Variants in FAM186A observed in about 807,000 individuals in gnomAD.
FAM186A encodes protein FAM186A.
Under a neutral mutation model 216.8 loss-of-function variants are expected in FAM186A, and 163 were observed. The ratio of observed to expected loss-of-function variants is 0.75; its 90% CI spans 0.66 to 0.86. The LOEUF (loss-of-function observed/expected upper bound fraction) is 0.86. Among genes scored for constraint, FAM186A ranks in the 40% least tolerant of loss-of-function variants. FAM186A has a pLI of 0.00. For missense variants in FAM186A, 2,184 were observed against 2,746.2 expected (o/e 0.80, Z 4.58); for synonymous variants, 805 against 1,025.3 (o/e 0.79, Z 4.10).
At chr12:50,350,225 A>T in intron 4 of FAM186A, 104 bp downstream of exon 4, 1 of 1,073,054 alleles carries the variant, frequency 9.3e-7, no homozygotes, top group Non-Finnish European at 1.3e-6. Context: ...GCAGTCCTTT[A>T]GAACATATGG....
chr12:50,373,214 T>C (rs1592626468), intron 1 of FAM186A, among the ~76,000 whole-genome samples: 2 of 152,118 alleles, frequency 1.3e-5, no homozygotes, highest in East Asian at 1.9e-4. Flanking sequence ...CTGGCCCACA[T>C]AGTGAAACCC....
chr12:50,395,444 G>T (rs1306144331), intron 1 of FAM186A, among the ~76,000 whole-genome samples: 2 of 152,098 alleles, frequency 1.3e-5, no homozygotes, highest in African/African-American at 2.4e-5. Flanking sequence ...TTGTTTGGGG[G>T]TCTATTAGAT....
chr12:50,361,674 G>A (rs1449842589), intron 2 of FAM186A, among the ~76,000 whole-genome samples: 3 of 147,510 alleles, frequency 2.0e-5, no homozygotes, highest in African/African-American at 5.0e-5. Flanking sequence ...AGGTTCAAGC[G>A]ATTCTCCTGC....
Position 50,354,206 on chromosome 12 carries a change from C to T in FAM186A, c.2626G>A (p.Glu876Lys), listed in dbSNP as rs1942946201. 2.6e-6 allele frequency: 4 copies of T among 1,551,538 alleles called. No individual in the cohort carries two copies. Among genetic ancestry groups the T allele is most frequent in the Admixed American group, 2.0e-5 (1 of 50,968 alleles). The change falls in exon 4 of 8, where the codon GAA (glutamate) becomes AAA (lysine). Residue 876 changes from glutamate (E) to lysine (K), a missense_variant. Glu to Lys is a moderately conservative substitution (Grantham distance 56). Coordinates refer to ENST00000327337, the MANE Select transcript of FAM186A (RefSeq NM_001145475.3). Reference sequence around the variant, plus strand: ...TGCCACTGTTTCTGGCTCTGTTGTTCTTGCTTTCCCTCCTTCATCTGGAGC... The same window carrying T: ...TGCCACTGTTTCTGGCTCTGTTGTTTTTGCTTTCCCTCCTTCATCTGGAGC... ...AWLQMKEGKQ[E>K]QQSQKQWQEE...
At chr12:50,331,950 A>G in intron 5 of FAM186A, 129 bp from the exon 6 acceptor site, 1 of 732,186 alleles carries the variant, frequency 1.4e-6, no homozygotes. Context: ...TCCTCTCCCT[A>G]CTCCACCCAC....
In FAM186A at chr12:50,357,991, A is replaced by C. The variant is rs562124889; in HGVS notation, c.584-1743T>G. ...AGACTGTCTCATAAATAAATAAATA[A>C]ATAAATAAATAAATGAAAAGAAATC... On this transcript the variant is annotated intron_variant, in intron 3 of 7. Transcript: ENST00000327337. Among the ~76,000 whole-genome samples the C allele has an allele frequency of 4.6e-5, 7 of 152,146 alleles. No homozygotes were observed. In the South Asian group the frequency reaches 1.2e-3, roughly 27 times the overall value.
At chr12:50,357,691 C>T (rs905485205) in intron 3 of FAM186A, among the ~76,000 whole-genome samples, 3 of 152,092 alleles carry the variant, frequency 2.0e-5, no homozygotes, top group Non-Finnish European at 4.4e-5. Flanking sequence ...GAAAAACTAC[C>T]GAACCTCAGT....
chr12:50,383,276 A>T lies in FAM186A; in HGVS notation c.192+13017T>A, dbSNP rs371052646. On this transcript the variant is annotated intron_variant, in intron 1 of 7. Coordinates refer to ENST00000327337, the MANE Select transcript of FAM186A (RefSeq NM_001145475.3). ...AAAAAAAAAAAAAAAAAAAAAAAAA[A>T]AAAGAGAGAGAGAGAGAGAAAGAAA... Among the ~76,000 whole-genome samples the T allele has an allele frequency of 4.5e-3, 146 of 32,160 alleles. 1 individual carries two copies. Among genetic ancestry groups the T allele is most frequent in the Non-Finnish European group, 0.022 (93 of 4,218 alleles). The allele number at this position is 32,160 out of a possible 152,430, so 21.1% of individuals were successfully genotyped here. A position where few individuals can be genotyped will look rare whatever the true frequency, so the allele number is the denominator to read the frequency against.
Position 50,327,339 on chromosome 12 carries a change from G to A in FAM186A, c.*44C>T, listed in dbSNP as rs959709557. The A allele has an allele frequency of 2.1e-5, 32 of 1,488,400 alleles. No individual in the cohort carries two copies. In the African/African-American group the frequency reaches 4.2e-4, roughly 19 times the overall value. 92.2% of individuals were successfully genotyped at this position (1,488,400 alleles called of 1,614,324 possible). On this transcript the variant is annotated 3_prime_UTR_variant, in exon 8 of 8. Transcript: ENST00000327337. ...GAACAAAATAGGCATTTTACTGAAA[G>A]ATACTGAAATGTACTTTCAACATGC...
chr12:50,382,997 C>T (rs574599009), intron 1 of FAM186A, among the ~76,000 whole-genome samples: 1 of 151,466 alleles, frequency 6.6e-6, no homozygotes, highest in East Asian at 1.9e-4. Context: ...CTCTGAATGG[C>T]CAAGGCTGGT....
Position 50,376,407 on chromosome 12 carries a change from C to T in FAM186A, c.193-13043G>A, listed in dbSNP as rs183897966. On this transcript the variant is annotated intron_variant, in intron 1 of 7. Coordinates refer to ENST00000327337, the MANE Select transcript of FAM186A (RefSeq NM_001145475.3). ...ATACCTGAAGTGAGTAGCTCCTATC[C>T]GCAGGCAAGTCATCCCAACAAGGGT... is the stretch of plus-strand genomic sequence containing the variant. Among the ~76,000 whole-genome samples the T allele has an allele frequency of 1.4e-4, 21 of 152,212 alleles. No homozygotes were observed. The East Asian group carries it at 3.1e-3, about 22-fold the overall frequency.
intron 1 of FAM186A, among the ~76,000 whole-genome samples, chr12:50,389,003 C>G (rs886696366): frequency 2.0e-5 from 3 of 151,174 alleles, no homozygotes; most frequent in Non-Finnish European, 4.4e-5. Flanking sequence ...TGCAGTGACA[C>G]GAGATCGTGC....
At position 50,356,081 on chromosome 12, in the gene FAM186A, T is replaced by C; in HGVS notation, c.751A>G (p.Ser251Gly). 6.4e-7 allele frequency: 1 copy of C among 1,551,694 alleles called. No individual in the cohort carries two copies. Among genetic ancestry groups the C allele is most frequent in the South Asian group, 1.2e-5 (1 of 84,058 alleles). ...TTAATAGCATTGTTTTCCAATGTAC[T>C]GAACATTGTGGTGCCTATGAGTTCC... ...LQELIGTTMF[S>G]TLENNAIKYI... The change falls in exon 4 of 8, where the codon AGT (serine) becomes GGT (glycine). Residue 251 changes from serine to glycine, a missense_variant. By Grantham distance (56) the Ser-to-Gly change is moderately conservative (BLOSUM62 0). This residue lies in a region of FAM186A where 1,132 missense variants were observed against 1,263.4 expected (regional missense o/e 0.90). Coordinates refer to ENST00000327337, the MANE Select transcript of FAM186A (RefSeq NM_001145475.3).
chr12:50,357,433 C>T (rs1013863653), intron 3 of FAM186A, among the ~76,000 whole-genome samples: 4 of 139,844 alleles, frequency 2.9e-5, no homozygotes, highest in East Asian at 2.2e-4. Context: ...ACCTGGGAAG[C>T]GGCGGTTGCG....
chr12:50,361,323 C>A (rs1169118453), intron 2 of FAM186A, among the ~76,000 whole-genome samples: 1 of 152,046 alleles, frequency 6.6e-6, no homozygotes, highest in Non-Finnish European at 1.5e-5. Context: ...CTCAGCCTCC[C>A]GAGTAGCTGG....
At chr12:50,395,377 C>T (rs748625761) in intron 1 of FAM186A, among the ~76,000 whole-genome samples, 3 of 152,206 alleles carry the variant, frequency 2.0e-5, no homozygotes, top group Admixed American at 6.5e-5. Context: ...GCATGAATCG[C>T]TGTGCCTGGC....
intron 5 of FAM186A, 78 bp downstream of exon 5, chr12:50,333,833 A>G (rs1942679808): frequency 4.6e-6 from 6 of 1,299,946 alleles, no homozygotes; most frequent in Admixed American, 2.6e-5. Context: ...TGGTGTCTCC[A>G]GGTAAATGTC....
intron 1 of FAM186A, among the ~76,000 whole-genome samples, chr12:50,384,372 C>T (rs1312018627): frequency 6.6e-6 from 1 of 152,040 alleles, no homozygotes; most frequent in Non-Finnish European, 1.5e-5. Flanking sequence ...TTTCATTGAG[C>T]TATTATTGCA....
chr12:50,343,264 A>T (rs992597784), intron 4 of FAM186A, among the ~76,000 whole-genome samples: 2 of 151,328 alleles, frequency 1.3e-5, no homozygotes, highest in African/African-American at 2.4e-5. Flanking sequence ...TGGTCTCAAA[A>T]CTCCTGGCCT....
Sources: gnomAD v4.1 joint callset for allele counts (sites outside exome capture counted in the v4.1 genomes callset) on GRCh38, gnomAD v4.1.1 for gene constraint, gnomAD v4.1.1 regional missense constraint, MANE v1.5 for transcripts, NCBI Gene and HGNC (gene_info 2026-07-23, HGNC 2026-07-21) for gene names.